HRNR: variants seen among roughly 807,000 people sequenced by gnomAD.
HRNR encodes the protein filaggrin family member 3.
Under a neutral mutation model 4.8 loss-of-function variants are expected in HRNR, and 7 were observed. That is an observed-to-expected ratio of 1.47 (90% CI 0.83 to 2.75). HRNR has a LOEUF of 2.75. HRNR is among the 30% of genes most tolerant of loss of function. HRNR has a pLI of 0.00. For missense variants in HRNR, 2,879 were observed against 3,010.4 expected, an observed-to-expected ratio of 0.96 and a Z score of 1.02; for synonymous variants, 1,023 against 1,242.7, an observed-to-expected ratio of 0.82 and a Z score of 3.72.
Position 152,218,869 on chromosome 1 carries a change from G to C in HRNR, c.2760C>G (p.Gly920=), listed in dbSNP as rs751155173. The C allele has an allele frequency of 2.5e-6, 4 of 1,613,808 alleles. No individual in the cohort carries two copies. Among genetic ancestry groups the C allele is most frequent in the Non-Finnish European group, 3.4e-6 (4 of 1,179,938 alleles). ...GSGSGRSSSS[G]RHGSGSGQSS... is the part of the protein sequence containing the mutation. ...ACTGGCCTGAGCCAGACCCATGTCG[G>C]CCACTGCTGGAAGACCGACCGGAGC... Residue 920 remains glycine (G), a synonymous_variant, in exon 3 of 3, where the codon GGC becomes GGG. Coordinates refer to ENST00000368801, the MANE Select transcript of HRNR (RefSeq NM_001009931.3).
rs752343961 is a variant in HRNR at position 152,219,285 on chromosome 1, C to T, written c.2344G>A (p.Gly782Arg). Residue 782 changes from glycine to arginine, a missense_variant, in exon 3 of 3, where the codon GGG (glycine) becomes AGG (arginine). This residue lies in a region of HRNR where 2,646 missense variants were observed against 1,377.7 expected (regional missense o/e 1.92). Transcript: ENST00000368801. Reference sequence around the variant, plus strand: ...CTGGAGGAGTGCCCTGAACTGGACCCATGTCGGACACGGCTAGGAGAGTGG... The same window carrying T: ...CTGGAGGAGTGCCCTGAACTGGACCTATGTCGGACACGGCTAGGAGAGTGG... Reference protein sequence around the residue: ...SGHSPSRVRHGSSSGHSSSHG... With the variant: ...SGHSPSRVRHRSSSGHSSSHG... 1.5e-5 allele frequency: 24 copies of T among 1,613,284 alleles called. No individual in the cohort carries two copies. Among genetic ancestry groups the T allele is most frequent in the South Asian group, 1.3e-4 (12 of 91,062 alleles).
rs150031350 is a variant in HRNR, at chr1:152,219,204, A to C, written c.2425T>G (p.Ser809Ala). ...SCSSSCGHYE[S>A]GSGQASGFGQ... ...AAACCAGAAGCCTGGCCTGAGCCAG[A>C]CTCATAATGGCCACAGCTGGAAGAA... is the stretch of plus-strand genomic sequence containing the variant. Residue 809 changes from serine to alanine, a missense_variant, in exon 3 of 3, where the codon TCT becomes GCT. Physicochemically the swap from Ser to Ala is moderately conservative, Grantham distance 99. Coordinates refer to ENST00000368801, the MANE Select transcript of HRNR (RefSeq NM_001009931.3). The C allele has an allele frequency of 9.9e-6, 16 of 1,613,652 alleles. No homozygotes were observed. The African/African-American group carries it at 1.9e-4, about 19-fold the overall frequency.
At chr1:152,223,801 C>A (rs1649079658) in intron 1 of HRNR, among the ~76,000 whole-genome samples, 1 of 152,120 alleles carries the variant, frequency 6.6e-6, no homozygotes, top group African/African-American at 2.4e-5. Context: ...GCTATTAGAT[C>A]CAGCTTCTGT....
chr1:152,218,784 A>C lies in HRNR; in HGVS notation c.2845T>G (p.Ser949Ala). 5 of 1,613,602 alleles carry C rather than the reference A, an allele frequency of 3.1e-6. No homozygotes were observed. The highest frequency in any genetic ancestry group is 3.4e-6 in the Non-Finnish European group (4 of 1,179,960). ...TAGCTGGAGGAGTGACCTGAGCCAG[A>C]TCCATGCTGAGTGTAACCAGAGGAC... is the stretch of plus-strand genomic sequence containing the variant. ...GQSSGYTQHG[S>A]GSGHSSSYEQ... The change falls in exon 3 of 3, where the codon TCT becomes GCT. Residue 949 changes from serine to alanine, a missense_variant. Physicochemically the swap from Ser to Ala is moderately conservative, Grantham distance 99 (BLOSUM62 1). Around this residue, in one of 8 missense-constraint regions of HRNR, gnomAD observed 2,646 missense variants for 1,377.7 expected, o/e 1.92. Coordinates refer to ENST00000368801, the MANE Select transcript of HRNR (RefSeq NM_001009931.3).
In HRNR at chr1:152,218,512, T is replaced by A. The variant is rs1374013810; in HGVS notation, c.3117A>T (p.Pro1039=). The change falls in exon 3 of 3, where the codon CCA becomes CCT. Residue 1039 remains proline, a synonymous_variant. Transcript: ENST00000368801. ...AAGAGTGACCGGAGCCAGACTCATA[T>A]GGGCCACGGCTTGAAGACCACCCTG... ...SGSGWSSSRG[P]YESGSGHSSG... The A allele has an allele frequency of 1.2e-6, 2 of 1,613,502 alleles. No homozygotes were observed. The highest frequency in any genetic ancestry group is 1.7e-5 in the Admixed American group (1 of 59,982).
At position 152,220,451 on chromosome 1, in the gene HRNR, C is replaced by T. The variant is rs147288664; in HGVS notation, c.1178G>A (p.Ser393Asn). 3.7e-6 allele frequency: 6 copies of T among 1,613,776 alleles called. No individual in the cohort carries two copies. The highest frequency in any genetic ancestry group is 5.1e-6 in the Non-Finnish European group (6 of 1,179,948). ...QASSSGQHGS[S>N]SRQSSSYGQH... ...ACCATAGCTGGAAGACTGACGTGAG[C>T]TGGAGCCATGTTGGCCAGAGCTTGA... The change falls in exon 3 of 3, where the codon AGC becomes AAC. Residue 393 changes from serine to asparagine, a missense_variant. By Grantham distance (46) the Ser-to-Asn change is conservative (BLOSUM62 1). This residue lies in a region of HRNR where 2,646 missense variants were observed against 1,377.7 expected (regional missense o/e 1.92). Transcript: ENST00000368801.
rs1188998496 is a variant in HRNR at position 152,212,745 on chromosome 1, A to G, written c.*331T>C. The G allele has an allele frequency of 1.1e-5, 4 of 357,334 alleles. No individual in the cohort carries two copies. The highest frequency in any genetic ancestry group is 2.0e-5 in the Non-Finnish European group (4 of 198,844). 22.1% of individuals were successfully genotyped at this position (357,334 alleles called of 1,614,324 possible). A position where few individuals can be genotyped will look rare whatever the true frequency, so the allele number is the denominator to read the frequency against. On this transcript the variant is annotated 3_prime_UTR_variant, in exon 3 of 3. Transcript: ENST00000368801. Reference sequence around the variant, plus strand: ...AGGTTAGCTTTGGCACCATCTATAAATGAATGATGAGCTCTCAAAAAGACA... The same window carrying G: ...AGGTTAGCTTTGGCACCATCTATAAGTGAATGATGAGCTCTCAAAAAGACA...
At position 152,224,147 on chromosome 1, in the gene HRNR, C is replaced by T. The variant is rs1407277301; in HGVS notation, c.-30G>A. ...GGAGTTGAACTGCTCACTTACCTAG[C>T]TCACCAGAGGAACAAGTAGGGTAGA... is the stretch of plus-strand genomic sequence containing the variant. On this transcript the variant is annotated 5_prime_UTR_variant, in exon 1 of 3. Coordinates refer to ENST00000368801, the MANE Select transcript of HRNR (RefSeq NM_001009931.3). 1 of 152,144 alleles carries T rather than the reference C, an allele frequency of 6.6e-6. No individual in the cohort carries two copies. Among genetic ancestry groups the T allele is most frequent in the Non-Finnish European group, 1.5e-5 (1 of 68,044 alleles). The allele number at this position is 152,144 out of a possible 1,614,324, so 9.4% of individuals were successfully genotyped here.
chr1:152,220,706 C>T lies in HRNR; in HGVS notation c.923G>A (p.Ser308Asn), dbSNP rs751869366. ...CGAACCGGACCCATGTCGGACGTGG[C>T]TAGGAGACTGGCGAGATCCAGACCC... is the stretch of plus-strand genomic sequence containing the variant. ...RQGSGSRQSP[S>N]HVRHGSGSGH... The change falls in exon 3 of 3, where the codon AGC (serine) becomes AAC (asparagine). Residue 308 changes from serine (S) to asparagine (N), a missense_variant. Physicochemically the swap from Ser to Asn is conservative, Grantham distance 46 (BLOSUM62 1). Around this residue, in one of 8 missense-constraint regions of HRNR, gnomAD observed 2,646 missense variants for 1,377.7 expected, o/e 1.92. Transcript: ENST00000368801. 2 of 1,613,200 alleles carry T rather than the reference C, an allele frequency of 1.2e-6. No individual in the cohort carries two copies. The highest frequency in any genetic ancestry group is 4.5e-5 in the East Asian group (2 of 44,808).
rs761573850 is a variant in HRNR, at chr1:152,213,179, C to A, written c.8450G>T (p.Ser2817Ile). The stretch of plus-strand genomic sequence containing the variant: ...GCCAGAACTTCCCCCATCATGGTTA[C>A]TTCCTCCTTTGCAATAAGAATACCC... The part of the protein sequence containing the change: ...QDGYSYCKGG[S>I]NHDGGSSGSY... Residue 2817 changes from serine (S) to isoleucine (I), a missense_variant, in exon 3 of 3, where the codon AGT (serine) becomes ATT (isoleucine). Transcript: ENST00000368801. 1.9e-6 allele frequency: 3 copies of A among 1,614,012 alleles called. No homozygotes were observed. Among genetic ancestry groups the A allele is most frequent in the South Asian group, 1.1e-5 (1 of 91,094 alleles).
intron 2 of HRNR, among the ~76,000 whole-genome samples, chr1:152,221,730 G>A (rs895202076): frequency 6.6e-6 from 1 of 152,064 alleles, no homozygotes; most frequent in East Asian, 1.9e-4. Context: ...GGAAACAAGA[G>A]GGCTGATTAT....
chr1:152,223,306 C>A (rs1450106675), intron 1 of HRNR, 28 bp from the exon 2 acceptor site: 12 of 1,377,196 alleles, frequency 8.7e-6, no homozygotes, highest in African/African-American at 7.2e-5. Context: ...AGAGACCAAC[C>A]CCTTACTATT....
Position 152,220,756 on chromosome 1 carries a change from A to G in HRNR, c.873T>C (p.Arg291=), listed in dbSNP as rs764923064. 9.9e-6 allele frequency: 16 copies of G among 1,613,938 alleles called. No homozygotes were observed. The East Asian group carries it at 3.1e-4, about 31-fold the overall frequency. Residue 291 remains arginine, a synonymous_variant, in exon 3 of 3, where the codon CGT becomes CGC. Transcript: ENST00000368801. ...SSYGQHGSGS[R]QSLGHGRQGS... ...CTTGTCGGCCGTGGCCCAAAGACTGACGGGAACCAGACCCATGCTGACCAT... is the reference window on the plus strand; with the variant it reads ...CTTGTCGGCCGTGGCCCAAAGACTGGCGGGAACCAGACCCATGCTGACCAT...
At position 152,213,076 on chromosome 1, in the gene HRNR, T is replaced by C. The variant is rs1463931302; in HGVS notation, c.8553A>G (p.Ter2851TrpextTer49). The stretch of plus-strand genomic sequence containing the variant: ...AGTAAATTGCATTTATGTTTATTAT[T>C]CACTGATAAAAGTAGCACCTCTGCT... ...VQEQRCYFYQ* is the reference protein window; with the variant it reads ...VQEQRCYFYQW Residue 2851 changes from the stop codon to tryptophan (W), a stop_lost, in exon 3 of 3, where the codon TGA becomes TGG. Coordinates refer to ENST00000368801, the MANE Select transcript of HRNR (RefSeq NM_001009931.3). 3 of 1,608,804 alleles carry C rather than the reference T, an allele frequency of 1.9e-6. No individual in the cohort carries two copies. The highest frequency in any genetic ancestry group is 2.2e-5 in the South Asian group (2 of 90,366).
chr1:152,218,618 C>T lies in HRNR; in HGVS notation c.3011G>A (p.Gly1004Asp), dbSNP rs539299682. The change falls in exon 3 of 3, where the codon GGC becomes GAC. Residue 1004 changes from glycine to aspartate, a missense_variant. Physicochemically the swap from Gly to Asp is moderately conservative, Grantham distance 94. This residue lies in a region of HRNR where 2,646 missense variants were observed against 1,377.7 expected (regional missense o/e 1.92). Coordinates refer to ENST00000368801, the MANE Select transcript of HRNR (RefSeq NM_001009931.3). ...GCCACGGCTAGGGCTAGGAGACTGG[C>T]CAGATCCAGACCCATGTTGGCCGTG... Reference protein sequence around the residue: ...LGHGQHGSGSGQSPSPSRGRH... With the variant: ...LGHGQHGSGSDQSPSPSRGRH... 126 of 1,613,752 alleles carry T rather than the reference C, an allele frequency of 7.8e-5. No homozygotes were observed. The highest frequency in any genetic ancestry group is 1.0e-4 in the Non-Finnish European group (120 of 1,179,980).
Position 152,219,314 on chromosome 1 carries a change from G to C in HRNR, c.2315C>G (p.Ser772Cys). The change falls in exon 3 of 3, where the codon TCT becomes TGT. Residue 772 changes from serine to cysteine, a missense_variant. This residue lies in a region of HRNR where 2,646 missense variants were observed against 1,377.7 expected (regional missense o/e 1.92). Transcript: ENST00000368801. Reference sequence around the variant, plus strand: ...TCGGACACGGCTAGGAGAGTGGCCAGATCCAGACCCTTGTCGGCCGTGGCC... The same window carrying C: ...TCGGACACGGCTAGGAGAGTGGCCACATCCAGACCCTTGTCGGCCGTGGCC... ...SSGHGRQGSGSGHSPSRVRHG... is the reference protein window; with the variant it reads ...SSGHGRQGSGCGHSPSRVRHG... The C allele has an allele frequency of 4.3e-6, 7 of 1,613,678 alleles. No homozygotes were observed. The highest frequency in any genetic ancestry group is 5.9e-6 in the Non-Finnish European group (7 of 1,179,960).
rs1461072052 is a variant in HRNR at position 152,212,846 on chromosome 1, T to C, written c.*230A>G. ...TTTAACCCTCATTCTAACAAGTTAT[T>C]CCACTCAGTATTTTCTAACAAAGTA... is the stretch of plus-strand genomic sequence containing the variant. On this transcript the variant is annotated 3_prime_UTR_variant, in exon 3 of 3. Transcript: ENST00000368801. 6.7e-6 allele frequency: 4 copies of C among 597,636 alleles called. No homozygotes were observed. Among genetic ancestry groups the C allele is most frequent in the Non-Finnish European group, 1.1e-5 (4 of 347,902 alleles). 37.0% of individuals were successfully genotyped at this position (597,636 alleles called of 1,614,324 possible).
rs1193344356 is a variant in HRNR, at chr1:152,219,253, G to T, written c.2376C>A (p.Gly792=). 8 of 1,612,962 alleles carry T rather than the reference G, an allele frequency of 5.0e-6. No homozygotes were observed. The highest frequency in any genetic ancestry group is 6.8e-6 in the Non-Finnish European group (8 of 1,179,354). Residue 792 remains glycine, a synonymous_variant, in exon 3 of 3, where the codon GGC becomes GGA. Coordinates refer to ENST00000368801, the MANE Select transcript of HRNR (RefSeq NM_001009931.3). The part of the protein sequence containing the change: ...GSSSGHSSSH[G]QHGSGTSCSS... ...AACAACTTGTGCCAGACCCGTGTTG[G>T]CCGTGGCTGGAGGAGTGCCCTGAAC...
rs767027789 is a variant in HRNR at position 152,221,488 on chromosome 1, A to G, written c.141T>C (p.Asn47=). The G allele has an allele frequency of 6.3e-7, 1 of 1,592,018 alleles. No individual in the cohort carries two copies. The highest frequency in any genetic ancestry group is 8.6e-7 in the Non-Finnish European group (1 of 1,168,182). Residue 47 remains asparagine, a splice_region_variant and synonymous_variant, in exon 3 of 3, where the codon AAT becomes AAC. Coordinates refer to ENST00000368801, the MANE Select transcript of HRNR (RefSeq NM_001009931.3). ...LENEFHQILK[N]PNDPDTVDII... ...TATCCACAGTATCTGGATCGTTTGGATTCTGTATAAGAGAAAGGTACAAAG... is the reference window on the plus strand; with the variant it reads ...TATCCACAGTATCTGGATCGTTTGGGTTCTGTATAAGAGAAAGGTACAAAG...
Sources: gnomAD v4.1 joint callset for allele counts (sites outside exome capture counted in the v4.1 genomes callset) on GRCh38, gnomAD v4.1.1 for gene constraint, gnomAD v4.1.1 regional missense constraint, MANE v1.5 for transcripts, NCBI Gene and HGNC (gene_info 2026-07-23, HGNC 2026-07-21) for gene names.